ITK: variants seen among roughly 807,000 people sequenced by gnomAD.
ITK encodes IL2 inducible T cell kinase, also known as tyrosine-protein kinase ITK/TSK.
A neutral mutation model predicts 87.6 loss-of-function variants in ITK; 45 were observed. That is an observed-to-expected ratio of 0.51 (90% CI 0.40 to 0.66). ITK has a LOEUF of 0.66. ITK is among the 30% of genes least tolerant of loss of function. The pLI, the probability that ITK is intolerant of heterozygous loss-of-function variation, is 0.00. For missense variants in ITK, 605 were observed against 766.3 expected (o/e 0.79, Z 2.48); for synonymous variants, 303 against 273.6 (o/e 1.11, Z -1.06).
chr5:157,230,724 T>C (rs775556881), intron 7 of ITK, among the ~76,000 whole-genome samples: 7 of 152,242 alleles, frequency 4.6e-5, no homozygotes, highest in Admixed American at 2.0e-4. Flanking sequence ...TTTGTTCAAC[T>C]TTGCTTTTAA....
Position 157,228,463 on chromosome 5 carries a change from C to T in ITK, c.713+102C>T, listed in dbSNP as rs913339888. 8.5e-5 allele frequency: 63 copies of T among 741,388 alleles called. No individual in the cohort carries two copies. The Admixed American group carries it at 1.2e-3, about 14-fold the overall frequency. The allele number at this position is 741,388 out of a possible 1,614,324, so 45.9% of individuals were successfully genotyped here. A position where few individuals can be genotyped will look rare whatever the true frequency, so the allele number is the denominator to read the frequency against. ...CTGTAAAAATACCAGATGATCCCTA[C>T]TGCAACAGCAATGTTCACACATACC... On this transcript the variant is annotated intron_variant, in intron 7 of 16. Coordinates refer to ENST00000422843, the MANE Select transcript of ITK (RefSeq NM_005546.4).
chr5:157,239,971 CAA>C (rs1754854846), intron 9 of ITK, 89 bp from the exon 10 acceptor site: 1 of 1,290,592 alleles, frequency 7.7e-7, no homozygotes, highest in Admixed American at 1.9e-5. Flanking sequence ...GGTTATAAGA[CAA>C]AGATAATAAG....
intron 4 of ITK, among the ~76,000 whole-genome samples, chr5:157,215,960 G>C (rs1377723695): frequency 6.6e-6 from 1 of 152,196 alleles, no homozygotes; most frequent in African/African-American, 2.4e-5. Context: ...CAGAATGCCA[G>C]TGGGGGAGGA....
chr5:157,208,982 T>C lies in ITK; in HGVS notation c.232T>C (p.Tyr78His). 3 of 1,610,682 alleles carry C rather than the reference T, an allele frequency of 1.9e-6. No homozygotes were observed. Among genetic ancestry groups the C allele is most frequent in the Non-Finnish European group, 2.5e-6 (3 of 1,176,878 alleles). ...CATCAGCATCCCATGCCACTATAAA[T>C]ACCCGTTTCAGGTAAGTCCATCAGG... is the stretch of plus-strand genomic sequence containing the variant. The part of the protein sequence containing the change: ...SDISIPCHYK[Y>H]PFQVVHDNYL... The change falls in exon 2 of 17, where the codon TAC (tyrosine) becomes CAC (histidine). Residue 78 changes from tyrosine (Y) to histidine (H), a missense_variant. This residue lies in a region of ITK where 464 missense variants were observed against 578.0 expected (regional missense o/e 0.80). Coordinates refer to ENST00000422843, the MANE Select transcript of ITK (RefSeq NM_005546.4).
intron 1 of ITK, among the ~76,000 whole-genome samples, chr5:157,202,546 G>A (rs1314148376): frequency 6.6e-6 from 1 of 152,058 alleles, no homozygotes; most frequent in Non-Finnish European, 1.5e-5. Flanking sequence ...TTGTTAATGG[G>A]CATTTAGGTT....
chr5:157,187,383 A>T (rs999462668), intron 1 of ITK, among the ~76,000 whole-genome samples: 2 of 152,246 alleles, frequency 1.3e-5, no homozygotes, highest in Non-Finnish European at 2.9e-5. Context: ...AGGGAATAAA[A>T]GGAGAAAGGG....
Position 157,240,316 on chromosome 5 carries a change from T to G in ITK, c.985+121T>G, listed in dbSNP as rs1382579765. ...CAGCGTCATTAGATTCTCATAAGAG[T>G]GCAAGCCCTATTGTGAACAGCACTT... is the stretch of plus-strand genomic sequence containing the variant. On this transcript the variant is annotated intron_variant, in intron 10 of 16. Transcript: ENST00000422843. The G allele has an allele frequency of 2.0e-5, 19 of 934,494 alleles. No individual in the cohort carries two copies. The Admixed American group carries it at 3.5e-4, about 17-fold the overall frequency. The allele number at this position is 934,494 out of a possible 1,614,324, so 57.9% of individuals were successfully genotyped here.
At chr5:157,223,760 C>T (rs1488559591) in intron 6 of ITK, among the ~76,000 whole-genome samples, 1 of 152,044 alleles carries the variant, frequency 6.6e-6, no homozygotes, top group Non-Finnish European at 1.5e-5. Flanking sequence ...AGGTTATCTC[C>T]AATATTTTGC....
chr5:157,222,998 G>A lies in ITK; in HGVS notation c.631G>A (p.Val211Ile). The change falls in exon 6 of 17, where the codon GTC becomes ATC. Residue 211 changes from valine (V) to isoleucine (I), a missense_variant. Physicochemically the swap from Val to Ile is conservative, Grantham distance 29. Transcript: ENST00000422843. ...LDSSEIHWWR[V>I]QDRNGHEGYV... The stretch of plus-strand genomic sequence containing the variant: ...CAGTTCTGAGATTCACTGGTGGAGA[G>A]TCCAGGACAGGAATGGGTAAGTCAT... 3.7e-6 allele frequency: 6 copies of A among 1,614,148 alleles called. No individual in the cohort carries two copies. Among genetic ancestry groups the A allele is most frequent in the Non-Finnish European group, 5.1e-6 (6 of 1,180,020 alleles).
At chr5:157,193,033 T>A (rs1402096187) in intron 1 of ITK, among the ~76,000 whole-genome samples, 1 of 152,160 alleles carries the variant, frequency 6.6e-6, no homozygotes, top group Middle Eastern at 3.4e-3. Flanking sequence ...CTGGGTAACA[T>A]AGTGAGATCC....
At chr5:157,184,858 G>A (rs1472819017) in intron 1 of ITK, among the ~76,000 whole-genome samples, 1 of 152,176 alleles carries the variant, frequency 6.6e-6, no homozygotes, top group East Asian at 1.9e-4. Context: ...CTATTTTGAT[G>A]ACTCTTTGCC....
At chr5:157,245,703 T>C (rs1424411620) in intron 13 of ITK, 23 bp from the exon 14 acceptor site, 24 of 1,609,534 alleles carry the variant, frequency 1.5e-5, no homozygotes, top group Non-Finnish European at 2.0e-5. Context: ...CTCTCCGCCT[T>C]TGTTTGCCTG....
chr5:157,193,285 G>C (rs935358454), intron 1 of ITK, among the ~76,000 whole-genome samples: 12 of 152,146 alleles, frequency 7.9e-5, no homozygotes, highest in Non-Finnish European at 1.5e-5. Context: ...AAAAAGTGAT[G>C]GAGATTAGCC....
At chr5:157,194,612 G>T (rs1425372206) in intron 1 of ITK, among the ~76,000 whole-genome samples, 2 of 152,128 alleles carry the variant, frequency 1.3e-5, no homozygotes, top group Non-Finnish European at 2.9e-5. Flanking sequence ...CCATGACAAT[G>T]ATCCAATTTG....
At chr5:157,232,306 A>ATG in intron 7 of ITK, 34 bp from the exon 8 acceptor site, 2 of 1,460,526 alleles carry the variant, frequency 1.4e-6, no homozygotes, top group Non-Finnish European at 1.9e-6. Flanking sequence ...ACTTTAAAAT[A>ATG]TGTCATTGAC....
chr5:157,193,843 GA>G (rs1561647790), intron 1 of ITK, among the ~76,000 whole-genome samples: 1 of 152,044 alleles, frequency 6.6e-6, no homozygotes. Context: ...AGACTTACCC[GA>G]AAGACAGCAG....
chr5:157,231,384 C>T (rs903669440), intron 7 of ITK, among the ~76,000 whole-genome samples: 2 of 152,082 alleles, frequency 1.3e-5, no homozygotes, highest in Admixed American at 6.5e-5. Flanking sequence ...CCACTACTAT[C>T]GCTGATGGCC....
At chr5:157,185,684 A>C (rs887079810) in intron 1 of ITK, among the ~76,000 whole-genome samples, 3 of 147,090 alleles carry the variant, frequency 2.0e-5, no homozygotes, top group African/African-American at 5.1e-5. Flanking sequence ...CGTCTCCACA[A>C]AAAAAAAAAA....
rs1314764667 is a variant in ITK at position 157,245,750 on chromosome 5, G to T, written c.1474G>T (p.Glu492Ter). ...GGCTGCCAGAAATTGTTTGGTGGGA[G>T]AAAACCAAGTCATCAAGGTGTCTGA... ...DLAARNCLVG[E>*]NQVIKVSDFG... The change falls in exon 14 of 17, where the codon GAA becomes TAA. Residue 492 changes from glutamate (E) to a stop codon, truncating the protein, a stop_gained. Coordinates refer to ENST00000422843, the MANE Select transcript of ITK (RefSeq NM_005546.4). LOFTEE classifies it high-confidence loss of function. 1 of 1,614,178 alleles carries T rather than the reference G, an allele frequency of 6.2e-7. No individual in the cohort carries two copies. Among genetic ancestry groups the T allele is most frequent in the South Asian group, 1.1e-5 (1 of 91,070 alleles).
Sources: gnomAD v4.1 joint callset for allele counts (sites outside exome capture counted in the v4.1 genomes callset) on GRCh38, gnomAD v4.1.1 for gene constraint, gnomAD v4.1.1 regional missense constraint, MANE v1.5 for transcripts, NCBI Gene and HGNC (gene_info 2026-07-23, HGNC 2026-07-21) for gene names.